PPFIA2: variants seen among roughly 807,000 people sequenced by gnomAD.
PPFIA2 encodes the protein liprin-alpha-2.
Under a neutral mutation model 175.5 loss-of-function variants are expected in PPFIA2, and 46 were observed. The observed-to-expected ratio is 0.26, with a 90% confidence interval of 0.21 to 0.34. The LOEUF (loss-of-function observed/expected upper bound fraction) is 0.34, where lower values mean the gene tolerates loss of function less well. Among genes scored for constraint, PPFIA2 ranks in the 10% least tolerant of loss-of-function variants. The pLI is 1.00. For synonymous variants in PPFIA2, 568 were observed against 511.4 expected (o/e 1.11, Z -1.49); for missense variants, 1,179 against 1,506.1 (o/e 0.78, Z 3.60).
intron 5 of PPFIA2, among the ~76,000 whole-genome samples, chr12:81,452,834 T>C (rs1458286496): frequency 6.6e-6 from 1 of 152,150 alleles, no homozygotes; most frequent in Non-Finnish European, 1.5e-5. Context: ...AGTGAGGGCA[T>C]GGTAAGAAAT....
chr12:81,521,820 A>C lies in PPFIA2; in HGVS notation c.304-63954T>G, dbSNP rs572679203. 1.9e-3 allele frequency among the ~76,000 whole-genome samples: 218 copies of C among 115,792 alleles called. 2 individuals carry two copies. The highest frequency in any genetic ancestry group is 5.6e-3 in the African/African-American group (182 of 32,724). 76.0% of individuals were successfully genotyped at this position (115,792 alleles called of 152,430 possible). A position where few individuals can be genotyped will look rare whatever the true frequency, so the allele number is the denominator to read the frequency against. On this transcript the variant is annotated intron_variant, in intron 4 of 32. Coordinates refer to ENST00000549396, the MANE Select transcript of PPFIA2 (RefSeq NM_003625.5). ...GGGCGACAGAGCAACTCCATCTCAC[A>C]AAAAAAAAAAAAAAAATTATTGCAC...
At chr12:81,715,792 C>A (rs2078534320) in intron 3 of PPFIA2, among the ~76,000 whole-genome samples, 1 of 151,666 alleles carries the variant, frequency 6.6e-6, no homozygotes, top group African/African-American at 2.4e-5. Flanking sequence ...TGGCATTATG[C>A]TCCCTTGATT....
At chr12:81,386,531 C>A (rs973265770) in intron 8 of PPFIA2, among the ~76,000 whole-genome samples, 2 of 151,130 alleles carry the variant, frequency 1.3e-5, no homozygotes, top group East Asian at 2.0e-4. Flanking sequence ...CAGAGGTGGG[C>A]GGGTTGCTTA....
chr12:81,354,453 A>G (rs954075570), intron 16 of PPFIA2, among the ~76,000 whole-genome samples: 5 of 152,140 alleles, frequency 3.3e-5, no homozygotes, highest in African/African-American at 4.8e-5. Context: ...TTCATTCATA[A>G]AAAGTAAATC....
intron 4 of PPFIA2, among the ~76,000 whole-genome samples, chr12:81,561,146 T>G: frequency 6.6e-6 from 1 of 152,166 alleles, no homozygotes; most frequent in East Asian, 1.9e-4. Flanking sequence ...CATCTATTTC[T>G]ATTGTAGTTT....
At chr12:81,598,474 G>T in intron 4 of PPFIA2, 1 of 643,118 alleles carries the variant, frequency 1.6e-6, no homozygotes, top group Non-Finnish European at 1.9e-6. Context: ...CATGCACAGT[G>T]TATTCAGAGG....
chr12:81,295,842 T>A (rs551203682), intron 23 of PPFIA2, among the ~76,000 whole-genome samples: 82 of 149,730 alleles, frequency 5.5e-4, no homozygotes, highest in African/African-American at 2.0e-3. Flanking sequence ...ATACAAAAAT[T>A]AGCTGAGCAT....
intron 4 of PPFIA2, among the ~76,000 whole-genome samples, chr12:81,590,475 A>AT (rs1487253628): frequency 3.3e-5 from 5 of 151,358 alleles, no homozygotes; most frequent in Admixed American, 3.3e-4. Context: ...TTTCTTTTTT[A>AT]TTTTCTTTCC....
At chr12:81,658,500 T>A (rs1170785045) in intron 4 of PPFIA2, among the ~76,000 whole-genome samples, 4 of 150,146 alleles carry the variant, frequency 2.7e-5, no homozygotes, top group African/African-American at 9.7e-5. Context: ...TTCATCCATC[T>A]GTTTTTTCCA....
intron 4 of PPFIA2, among the ~76,000 whole-genome samples, chr12:81,500,367 C>CA (rs2060468062): frequency 6.6e-6 from 1 of 152,072 alleles, no homozygotes; most frequent in African/African-American, 2.4e-5. Flanking sequence ...GCTTGGAACA[C>CA]AAAAAACACT....
At chr12:81,736,791 T>A (rs1290401176) in intron 3 of PPFIA2, among the ~76,000 whole-genome samples, 1 of 151,964 alleles carries the variant, frequency 6.6e-6, no homozygotes, top group Non-Finnish European at 1.5e-5. Context: ...GTCACCCAGG[T>A]TGGAGTGCAG....
intron 4 of PPFIA2, among the ~76,000 whole-genome samples, chr12:81,626,080 T>C (rs2062667972): frequency 6.6e-6 from 1 of 151,774 alleles, no homozygotes; most frequent in Admixed American, 6.6e-5. Context: ...TATTTGTTAT[T>C]CCTTTTCTAA....
At chr12:81,466,929 A>C (rs949488189) in intron 4 of PPFIA2, among the ~76,000 whole-genome samples, 5 of 147,668 alleles carry the variant, frequency 3.4e-5, no homozygotes, top group African/African-American at 1.2e-4. Flanking sequence ...TAAATGTAAT[A>C]AATAATATAC....
chr12:81,321,777 C>T (rs1179256498), intron 22 of PPFIA2, among the ~76,000 whole-genome samples: 1 of 152,120 alleles, frequency 6.6e-6, no homozygotes, highest in East Asian at 1.9e-4. Flanking sequence ...CTAAAATACT[C>T]AAATATAGTC....
At chr12:81,743,850 A>G (rs916629704) in intron 3 of PPFIA2, among the ~76,000 whole-genome samples, 1 of 152,218 alleles carries the variant, frequency 6.6e-6, no homozygotes, top group Admixed American at 6.5e-5. Context: ...GACAAGATAA[A>G]ATAAAATATA....
rs2033467589 is a variant in PPFIA2 at position 81,366,479 on chromosome 12, T to A, written c.1545+629A>T. On this transcript the variant is annotated intron_variant, in intron 14 of 32. Coordinates refer to ENST00000549396, the MANE Select transcript of PPFIA2 (RefSeq NM_003625.5). ...TCAGAGTCCTACTTTCCCTTAAATC[T>A]TCAGTCAAGTCCCTCCTTCCTGAAG... Among the ~76,000 whole-genome samples, 9 of 151,644 alleles carry A rather than the reference T, an allele frequency of 5.9e-5. No individual in the cohort carries two copies. In the Admixed American group the frequency reaches 5.9e-4, roughly 10 times the overall value.
intron 7 of PPFIA2, among the ~76,000 whole-genome samples, chr12:81,438,332 G>C (rs2049480457): frequency 6.6e-6 from 1 of 152,150 alleles, no homozygotes; most frequent in Non-Finnish European, 1.5e-5. Context: ...GCCAGGGGTG[G>C]TGGCACATGC....
chr12:81,335,744 A>AAACAACAACAAC (rs142716386), intron 21 of PPFIA2, among the ~76,000 whole-genome samples: 2 of 149,394 alleles, frequency 1.3e-5, no homozygotes, highest in African/African-American at 2.5e-5. Context: ...TTCTGTCTAA[A>AAACAACAACAAC]AACAACAACA....
intron 4 of PPFIA2, chr12:81,535,353 CA>C (rs761318888): frequency 5.1e-4 from 232 of 451,906 alleles, no homozygotes; most frequent in Non-Finnish European, 7.2e-4. Context: ...TGATTATTGG[CA>C]AAGGCCAGAT....
Sources: allele counts gnomAD v4.1 joint callset (sites outside exome capture counted in the v4.1 genomes callset), GRCh38; gene constraint gnomAD v4.1.1; transcripts MANE v1.5; gene names NCBI Gene and HGNC (gene_info 2026-07-23, HGNC 2026-07-21).